Variants in GMDS observed in about 807,000 individuals in gnomAD.
GMDS encodes the protein GDP-mannose 4,6-dehydratase, also known as GDP-mannose 4,6 dehydratase.
A neutral mutation model predicts 49.9 loss-of-function variants in GMDS; 20 were observed. The ratio of observed to expected loss-of-function variants is 0.40; its 90% CI spans 0.28 to 0.58. The LOEUF is 0.58. Ranked by LOEUF, GMDS falls within the 20% of genes least tolerant of loss-of-function variation. The pLI is 0.42. For missense variants in GMDS, 362 were observed against 481.4 expected, an observed-to-expected ratio of 0.75 and a Z score of 2.32; for synonymous variants, 177 against 178.6, an observed-to-expected ratio of 0.99 and a Z score of 0.07.
chr6:1,793,475 T>C (rs1769621044), intron 7 of GMDS, among the ~76,000 whole-genome samples: 1 of 152,188 alleles, frequency 6.6e-6, no homozygotes, highest in Non-Finnish European at 1.5e-5. Flanking sequence ...TGAACAAAAA[T>C]CTGACTTATG....
chr6:1,915,988 C>G (rs975461770), intron 7 of GMDS, among the ~76,000 whole-genome samples: 1 of 152,194 alleles, frequency 6.6e-6, no homozygotes, highest in Non-Finnish European at 1.5e-5. Flanking sequence ...GTGGCAACAC[C>G]TTCACCATTC....
chr6:2,046,617 C>T (rs543579496), intron 4 of GMDS, among the ~76,000 whole-genome samples: 1 of 152,068 alleles, frequency 6.6e-6, no homozygotes, highest in African/African-American at 2.4e-5. Context: ...GTGCCACTAC[C>T]CCCGGTTAAT....
intron 1 of GMDS, among the ~76,000 whole-genome samples, chr6:2,244,921 CAAG>C (rs1184461184): frequency 1.3e-5 from 2 of 152,182 alleles, no homozygotes; most frequent in Non-Finnish European, 2.9e-5. Flanking sequence ...CGAGACACAT[CAAG>C]AAGACCTCAC....
chr6:1,716,040 G>C (rs970613950), intron 9 of GMDS, among the ~76,000 whole-genome samples: 2 of 152,146 alleles, frequency 1.3e-5, no homozygotes, highest in African/African-American at 4.8e-5. Flanking sequence ...AAAATATACA[G>C]TGTCTTTCTA....
chr6:1,875,047 A>G (rs1758961905), intron 7 of GMDS, among the ~76,000 whole-genome samples: 2 of 152,218 alleles, frequency 1.3e-5, no homozygotes, highest in Admixed American at 1.3e-4. Context: ...CAGTTGGCTT[A>G]GAATATTTTT....
chr6:1,802,456 A>G (rs1202925625), intron 7 of GMDS, among the ~76,000 whole-genome samples: 1 of 152,260 alleles, frequency 6.6e-6, no homozygotes, highest in Non-Finnish European at 1.5e-5. Context: ...GGTCTAAAAG[A>G]TTTTCCTTTC....
intron 4 of GMDS, among the ~76,000 whole-genome samples, chr6:2,066,119 AT>A (rs1248993388): frequency 1.3e-5 from 2 of 152,110 alleles, no homozygotes; most frequent in Non-Finnish European, 2.9e-5. Context: ...AATATTCAAC[AT>A]TCTTAAAGAA....
chr6:2,081,031 T>C (rs1276047621), intron 4 of GMDS, among the ~76,000 whole-genome samples: 1 of 152,190 alleles, frequency 6.6e-6, no homozygotes, highest in Non-Finnish European at 1.5e-5. Context: ...AACAAGGCCA[T>C]TGTATGGGCT....
intron 9 of GMDS, among the ~76,000 whole-genome samples, chr6:1,692,688 A>C (rs7773671): frequency 0.77 from 117,452 of 152,144 alleles, 45,437 homozygotes; most frequent in Admixed American, 0.83. Flanking sequence ...GCCATTAATT[A>C]TGTCAATGTA....
At chr6:2,007,368 C>G (rs894652085) in intron 4 of GMDS, among the ~76,000 whole-genome samples, 1 of 152,064 alleles carries the variant, frequency 6.6e-6, no homozygotes, top group Non-Finnish European at 1.5e-5. Flanking sequence ...TAAGCGTGTA[C>G]ACTTCCGGTA....
At chr6:2,120,893 T>C (rs1581678306) in intron 2 of GMDS, among the ~76,000 whole-genome samples, 2 of 152,196 alleles carry the variant, frequency 1.3e-5, no homozygotes, top group East Asian at 1.9e-4. Flanking sequence ...AAGATCTGTG[T>C]CCACTGGCTT....
intron 7 of GMDS, among the ~76,000 whole-genome samples, chr6:1,817,051 C>A (rs368303080): frequency 6.7e-6 from 1 of 148,154 alleles, no homozygotes; most frequent in Non-Finnish European, 1.5e-5. Context: ...CTAAGAAAAG[C>A]GGCATGACTA....
chr6:2,245,537 G>GC lies in GMDS; in HGVS notation c.-116_-115insG, dbSNP rs1339181904. ...AAGCGCCTCTCCAGGCTGCGGGCAG[G>GC]GAGGGAGAGCGCACCGCGCGACCGG... On this transcript the variant is annotated 5_prime_UTR_variant, in exon 1 of 11. Coordinates refer to ENST00000380815, the MANE Select transcript of GMDS (RefSeq NM_001500.4). 3.9e-6 allele frequency: 2 copies of GC among 516,276 alleles called. No homozygotes were observed. Among genetic ancestry groups the GC allele is most frequent in the East Asian group, 3.8e-5 (1 of 25,990 alleles). 32.0% of individuals were successfully genotyped at this position (516,276 alleles called of 1,614,324 possible). A position where few individuals can be genotyped will look rare whatever the true frequency, so the allele number is the denominator to read the frequency against.
chr6:1,909,881 C>T (rs1414865449), intron 7 of GMDS, among the ~76,000 whole-genome samples: 4 of 152,080 alleles, frequency 2.6e-5, no homozygotes, highest in South Asian at 2.1e-4. Flanking sequence ...ATTCCATAAC[C>T]GTAGTTAAGA....
chr6:2,038,137 T>C (rs755605018), intron 4 of GMDS, among the ~76,000 whole-genome samples: 6 of 152,154 alleles, frequency 3.9e-5, no homozygotes, highest in Non-Finnish European at 7.3e-5. Flanking sequence ...CTCGGTCCCT[T>C]TTCATTGAAG....
intron 8 of GMDS, among the ~76,000 whole-genome samples, chr6:1,731,835 G>A (rs747642339): frequency 4.5e-4 from 68 of 152,246 alleles, no homozygotes; most frequent in Non-Finnish European, 6.9e-4. Flanking sequence ...CAGTCCACAC[G>A]GGGTCAGGTC....
At chr6:1,712,135 A>G (rs1241239127) in intron 9 of GMDS, among the ~76,000 whole-genome samples, 1 of 152,246 alleles carries the variant, frequency 6.6e-6, no homozygotes, top group African/African-American at 2.4e-5. Context: ...AAGATGCTGG[A>G]AAATTCAGTC....
At chr6:2,076,083 C>T (rs1195061930) in intron 4 of GMDS, among the ~76,000 whole-genome samples, 19 of 152,144 alleles carry the variant, frequency 1.2e-4, no homozygotes, top group East Asian at 7.7e-4. Flanking sequence ...TCATATCCTT[C>T]GCCCACTTGT....
At chr6:2,173,436 T>C (rs1024520420) in intron 1 of GMDS, among the ~76,000 whole-genome samples, 3 of 152,190 alleles carry the variant, frequency 2.0e-5, no homozygotes, top group African/African-American at 4.8e-5. Context: ...GATGCTTCCA[T>C]GTTTTTACAG....
Sources: allele counts gnomAD v4.1 joint callset (sites outside exome capture counted in the v4.1 genomes callset), GRCh38; gene constraint gnomAD v4.1.1; transcripts MANE v1.5; gene names NCBI Gene and HGNC (gene_info 2026-07-23, HGNC 2026-07-21).